Variants in NKAIN3 observed in about 807,000 individuals in gnomAD.
NKAIN3 encodes sodium/potassium-transporting ATPase subunit beta-1-interacting protein 3.
A neutral mutation model predicts 30.2 loss-of-function variants in NKAIN3; 25 were observed. The ratio of observed to expected loss-of-function variants is 0.83; its 90% confidence interval spans 0.60 to 1.16. NKAIN3 has a LOEUF of 1.16. Ranked by LOEUF, NKAIN3 falls within the 50% of genes most tolerant of loss-of-function variation. NKAIN3 has a pLI of 0.00. For missense variants in NKAIN3, 225 were observed against 254.1 expected (o/e 0.89, Z 0.78); for synonymous variants, 91 against 89.6 (o/e 1.02, Z -0.09).
intron 1 of NKAIN3, among the ~76,000 whole-genome samples, chr8:62,563,805 T>G (rs990424007): frequency 6.6e-6 from 1 of 152,136 alleles, no homozygotes; most frequent in Non-Finnish European, 1.5e-5. Flanking sequence ...GTTATTCTAA[T>G]TATATTTAGT....
chr8:62,870,469 T>C (rs1470955660), intron 4 of NKAIN3, among the ~76,000 whole-genome samples: 2 of 136,804 alleles, frequency 1.5e-5, no homozygotes, highest in Non-Finnish European at 3.0e-5. Context: ...TATATACATA[T>C]ATATTGTATA....
chr8:62,382,934 A>T (rs548775827), intron 1 of NKAIN3, among the ~76,000 whole-genome samples: 1 of 152,250 alleles, frequency 6.6e-6, no homozygotes, highest in East Asian at 1.9e-4. Context: ...GGCCACTTTA[A>T]TGGTGTAATC....
intron 1 of NKAIN3, among the ~76,000 whole-genome samples, chr8:62,275,250 A>G (rs1463438065): frequency 6.6e-6 from 1 of 152,156 alleles, no homozygotes. Context: ...CATCCTCTCC[A>G]GCACCTGTTG....
At chr8:62,569,029 G>A (rs569728218) in intron 1 of NKAIN3, among the ~76,000 whole-genome samples, 1 of 152,268 alleles carries the variant, frequency 6.6e-6, no homozygotes, top group South Asian at 2.1e-4. Context: ...CCAAGTAACA[G>A]GAAAAGGAGG....
At chr8:62,680,057 T>G (rs1277489605) in intron 3 of NKAIN3, among the ~76,000 whole-genome samples, 1 of 152,074 alleles carries the variant, frequency 6.6e-6, no homozygotes, top group Non-Finnish European at 1.5e-5. Flanking sequence ...TCAGATAGAT[T>G]GAAAGCATGA....
chr8:62,506,477 T>TTTC (rs796854999), intron 1 of NKAIN3, among the ~76,000 whole-genome samples: 1 of 6,668 alleles, frequency 1.5e-4, no homozygotes, highest in South Asian at 7.1e-3. Context: ...TCTTTCTTTC[T>TTTC]TTTTTTTTTT....
intron 4 of NKAIN3, among the ~76,000 whole-genome samples, chr8:62,861,925 C>T (rs889766065): frequency 6.6e-5 from 10 of 152,154 alleles, no homozygotes; most frequent in Admixed American, 4.6e-4. Context: ...TTACACCAAA[C>T]GAGGATTCCT....
At chr8:62,705,266 T>G (rs1424399522) in intron 3 of NKAIN3, among the ~76,000 whole-genome samples, 1 of 152,196 alleles carries the variant, frequency 6.6e-6, no homozygotes, top group Admixed American at 6.6e-5. Flanking sequence ...TCAACTAAAT[T>G]ATCGCTAAGA....
At chr8:62,341,316 G>C (rs1430580298) in intron 1 of NKAIN3, among the ~76,000 whole-genome samples, 2 of 151,992 alleles carry the variant, frequency 1.3e-5, no homozygotes, top group South Asian at 4.1e-4. Context: ...AATCAAGAAG[G>C]TGATATGAGT....
At position 62,516,289 on chromosome 8, in the gene NKAIN3, A is replaced by G. The variant is rs564492457; in HGVS notation, c.55-63250A>G. The stretch of plus-strand genomic sequence containing the variant: ...CTTTAATTGGTAGTTTTCTCCCAAT[A>G]CCTTCTGCTAAACAGTCTACCATTT... On this transcript the variant is annotated intron_variant, in intron 1 of 6. Transcript: ENST00000623646. Among the ~76,000 whole-genome samples the G allele has an allele frequency of 1.2e-4, 19 of 152,214 alleles. 1 individual carries two copies. The South Asian group carries it at 3.9e-3, about 32-fold the overall frequency.
intron 3 of NKAIN3, among the ~76,000 whole-genome samples, chr8:62,598,779 A>G (rs1225418948): frequency 6.6e-6 from 1 of 152,060 alleles, no homozygotes; most frequent in Non-Finnish European, 1.5e-5. Context: ...TGGGTTTGGA[A>G]CAGCTAGGAG....
At chr8:62,745,082 G>C (rs1177479148) in intron 3 of NKAIN3, among the ~76,000 whole-genome samples, 1 of 152,180 alleles carries the variant, frequency 6.6e-6, no homozygotes, top group East Asian at 1.9e-4. Flanking sequence ...TTTCCCTACT[G>C]TCCTTTTCAG....
chr8:62,373,617 A>T (rs4738963), intron 1 of NKAIN3, among the ~76,000 whole-genome samples: 20,849 of 152,182 alleles, frequency 0.14, 1,725 homozygotes, highest in East Asian at 0.4. Flanking sequence ...GAAATAATGG[A>T]TCATTTGATG....
chr8:62,531,156 G>A (rs1022929822), intron 1 of NKAIN3, among the ~76,000 whole-genome samples: 2 of 152,144 alleles, frequency 1.3e-5, no homozygotes, highest in Non-Finnish European at 2.9e-5. Context: ...AAAACCATGT[G>A]TGCTGTCTCT....
intron 4 of NKAIN3, among the ~76,000 whole-genome samples, chr8:62,852,572 C>T (rs7462712): frequency 0.6 from 91,634 of 151,868 alleles, 28,470 homozygotes; most frequent in Non-Finnish European, 0.7. Context: ...ATCTTTCCTG[C>T]TTTCTCTTGT....
At chr8:62,519,200 A>C (rs887195055) in intron 1 of NKAIN3, among the ~76,000 whole-genome samples, 1 of 152,096 alleles carries the variant, frequency 6.6e-6, no homozygotes, top group African/African-American at 2.4e-5. Flanking sequence ...GTAACCAGAG[A>C]CTTGTATTTC....
intron 1 of NKAIN3, among the ~76,000 whole-genome samples, chr8:62,261,520 C>T (rs2129389736): frequency 6.6e-6 from 1 of 152,290 alleles, no homozygotes; most frequent in South Asian, 2.1e-4. Flanking sequence ...ACTCCAACAC[C>T]CAGTTCTTCC....
chr8:62,383,905 C>G (rs1310130276), intron 1 of NKAIN3, among the ~76,000 whole-genome samples: 2 of 147,340 alleles, frequency 1.4e-5, no homozygotes, highest in Non-Finnish European at 3.0e-5. Context: ...CCACAGTAGA[C>G]CTTGGGCTGG....
At chr8:62,752,966 G>A (rs1177744710) in intron 4 of NKAIN3, among the ~76,000 whole-genome samples, 15 of 152,212 alleles carry the variant, frequency 9.9e-5, no homozygotes, top group Non-Finnish European at 1.8e-4. Flanking sequence ...AAAAGGGACA[G>A]TCAATCTGCT....
Sources: gnomAD v4.1 joint callset for allele counts (sites outside exome capture counted in the v4.1 genomes callset) on GRCh38, gnomAD v4.1.1 for gene constraint, MANE v1.5 for transcripts, NCBI Gene and HGNC (gene_info 2026-07-23, HGNC 2026-07-21) for gene names.